FANCI: variants seen among roughly 807,000 people sequenced by gnomAD.
FANCI encodes the protein Fanconi anemia group I protein.
A neutral mutation model predicts 176.1 loss-of-function variants in FANCI; 156 were observed. That is an observed-to-expected ratio of 0.89 (90% CI 0.78 to 1.01). The LOEUF (loss-of-function observed/expected upper bound fraction) is 1.01. FANCI is among the 50% of genes least tolerant of loss of function. FANCI has a pLI of 0.00. For synonymous variants in FANCI, 613 were observed against 541.7 expected, an observed-to-expected ratio of 1.13 and a Z score of -1.83; for missense variants, 1,678 against 1,534.1, an observed-to-expected ratio of 1.09 and a Z score of -1.57.
chr15:89,293,306 C>A (rs1292614091), intron 22 of FANCI, among the ~76,000 whole-genome samples: 1 of 152,118 alleles, frequency 6.6e-6, no homozygotes, highest in African/African-American at 2.4e-5. Flanking sequence ...TTTCCCAGAC[C>A]CTGAATTCAA....
rs2151923443 is a variant in FANCI, at chr15:89,306,027, A to G, written c.3370A>G (p.Thr1124Ala). The G allele has an allele frequency of 5.0e-6, 8 of 1,614,136 alleles. No homozygotes were observed. Among genetic ancestry groups the G allele is most frequent in the Non-Finnish European group, 6.8e-6 (8 of 1,180,020 alleles). The change falls in exon 32 of 38, where the codon ACC becomes GCC. Residue 1124 changes from threonine to alanine, a missense_variant. By Grantham distance (58) the Thr-to-Ala change is moderately conservative. Around this residue, in one of 3 missense-constraint regions of FANCI, gnomAD observed 1,204 missense variants for 1,077.4 expected, o/e 1.12. Transcript: ENST00000310775. ...TTTAGAAGAGGCCTCTTCTCAGGCA[A>G]CCCTACCAAATCAGCCTGTTGAGAA... Reference protein sequence around the residue: ...TLSEEASSQATLPNQPVEKAI... With the variant: ...TLSEEASSQAALPNQPVEKAI...
At chr15:89,274,430 G>C in intron 12 of FANCI, 126 bp downstream of exon 12, 1 of 1,048,428 alleles carries the variant, frequency 9.5e-7, no homozygotes, top group Non-Finnish European at 1.4e-6. Flanking sequence ...GTCACACATC[G>C]AGGTTCATTT....
chr15:89,273,188 C>T (rs969077758), intron 10 of FANCI, among the ~76,000 whole-genome samples, 189 bp from the exon 11 acceptor site: 5 of 151,630 alleles, frequency 3.3e-5, no homozygotes, highest in Middle Eastern at 3.4e-3. Flanking sequence ...GGTATAGTCC[C>T]AGCTACTTGG....
chr15:89,267,304 G>A (rs1018499962), intron 9 of FANCI, among the ~76,000 whole-genome samples: 1 of 150,590 alleles, frequency 6.6e-6, no homozygotes, highest in Non-Finnish European at 1.5e-5. Flanking sequence ...TGGGCAATGG[G>A]AGTGAATCCT....
At chr15:89,245,167 C>CTTTTTTTT (rs1567132810) in intron 1 of FANCI, 20 of 121,300 alleles carry the variant, frequency 1.6e-4, no homozygotes, top group African/African-American at 7.2e-4. Context: ...CTTTTCTTTT[C>CTTTTTTTT]TTTTCTTTTC....
At chr15:89,275,149 ATCT>A (rs2053363656) in intron 12 of FANCI, among the ~76,000 whole-genome samples, 1 of 127,266 alleles carries the variant, frequency 7.9e-6, no homozygotes, top group Admixed American at 9.3e-5. Context: ...GCTAGACTTG[ATCT>A]TCTGGGCTCA....
intron 34 of FANCI, among the ~76,000 whole-genome samples, chr15:89,309,268 A>G (rs776402450): frequency 3.9e-5 from 6 of 152,192 alleles, no homozygotes; most frequent in African/African-American, 7.2e-5. Flanking sequence ...TATAGGATAT[A>G]TATCTGTCCA....
intron 3 of FANCI, 64 bp from the exon 4 acceptor site, chr15:89,260,648 GT>G: frequency 2.5e-6 from 4 of 1,597,158 alleles, no homozygotes; most frequent in Non-Finnish European, 3.4e-6. Context: ...AAACCTGTTC[GT>G]TTTTCCTATT....
At chr15:89,296,424 G>GTT (rs2054277287) in intron 24 of FANCI, among the ~76,000 whole-genome samples, 1 of 148,176 alleles carries the variant, frequency 6.7e-6, no homozygotes, top group South Asian at 2.2e-4. Context: ...CGTTTTTTTT[G>GTT]TTTTGTTTTG....
At position 89,261,575 on chromosome 15, in the gene FANCI, G is replaced by A. The variant is rs1433406322; in HGVS notation, c.289-10G>A. 6.2e-7 allele frequency: 1 copy of A among 1,613,986 alleles called. No individual in the cohort carries two copies. The highest frequency in any genetic ancestry group is 1.7e-4 in the Middle Eastern group (1 of 6,060). ...CTGCTTGAGATTTCCTTTATCCTGT[G>A]AACTTTTAGGCTCACCATTTTCCAG... is the stretch of plus-strand genomic sequence containing the variant. On this transcript the variant is annotated splice_polypyrimidine_tract_variant and intron_variant, in intron 4 of 37. Coordinates refer to ENST00000310775, the MANE Select transcript of FANCI (RefSeq NM_001113378.2).
rs2052744600 is a variant in FANCI, at chr15:89,262,265, AG to A, written c.503+390del. On this transcript the variant is annotated intron_variant, in intron 6 of 37. Coordinates refer to ENST00000310775, the MANE Select transcript of FANCI (RefSeq NM_001113378.2). ...TTTTTTCTTTTTTCTTTTTTTTTTG[AG>A]GGAGTAGAATATACAAGTGATGTAT... Among the ~76,000 whole-genome samples, 3 of 150,008 alleles carry A rather than the reference AG, an allele frequency of 2.0e-5. No individual in the cohort carries two copies. In the East Asian group the frequency reaches 5.8e-4, roughly 29 times the overall value.
Position 89,300,245 on chromosome 15 carries a change from G to A in FANCI, c.2804-55G>A. The A allele has an allele frequency of 3.2e-6, 5 of 1,554,764 alleles. No individual in the cohort carries two copies. The South Asian group carries it at 3.4e-5, about 11-fold the overall frequency. On this transcript the variant is annotated intron_variant, in intron 25 of 37. Transcript: ENST00000310775. ...TTTCAAAAATTTTAGCTATTAAAAG[G>A]CCAAAAAGTATGAGTTTATATCAAA...
intron 12 of FANCI, 135 bp downstream of exon 12, chr15:89,274,439 T>G (rs2053325271): frequency 1.0e-6 from 1 of 1,000,898 alleles, no homozygotes; most frequent in Middle Eastern, 2.6e-4. Flanking sequence ...CGAGGTTCAT[T>G]TTCTTAAAAC....
chr15:89,284,446 A>G (rs7163841), intron 17 of FANCI, among the ~76,000 whole-genome samples: 59,382 of 152,012 alleles, frequency 0.39, 11,598 homozygotes, highest in African/African-American at 0.41. Context: ...GGAACACTAG[A>G]TATCATTTGT....
chr15:89,258,396 C>G (rs2052585001), intron 2 of FANCI, among the ~76,000 whole-genome samples: 1 of 152,120 alleles, frequency 6.6e-6, no homozygotes, highest in Non-Finnish European at 1.5e-5. Flanking sequence ...CTGTTTTGTT[C>G]ATCTTTATAA....
At chr15:89,258,513 A>T (rs1488393627) in intron 2 of FANCI, among the ~76,000 whole-genome samples, 191 bp from the exon 3 acceptor site, 1 of 152,210 alleles carries the variant, frequency 6.6e-6, no homozygotes, top group East Asian at 1.9e-4. Flanking sequence ...GAGTAAGAAT[A>T]GATTTTAGTC....
Position 89,281,847 on chromosome 15 carries a change from CT to C in FANCI, c.1583+17del. 1.2e-6 allele frequency: 2 copies of C among 1,612,292 alleles called. No homozygotes were observed. Among genetic ancestry groups the C allele is most frequent in the Non-Finnish European group, 1.7e-6 (2 of 1,178,640 alleles). On this transcript the variant is annotated intron_variant, in intron 16 of 37. Coordinates refer to ENST00000310775, the MANE Select transcript of FANCI (RefSeq NM_001113378.2). Reference sequence around the variant, plus strand: ...GCTATGTTTGCCAAGTATGTAGCATCTTTTTCTATCATAGGAAGACGTTGTC... The same window carrying C: ...GCTATGTTTGCCAAGTATGTAGCATCTTTTCTATCATAGGAAGACGTTGTC...
intron 24 of FANCI, among the ~76,000 whole-genome samples, chr15:89,299,299 G>A (rs544058154): frequency 4.7e-4 from 71 of 152,084 alleles, no homozygotes; most frequent in Middle Eastern, 3.4e-3. Context: ...GGTCTATTCC[G>A]TGGTAAATTC....
intron 15 of FANCI, 134 bp downstream of exon 15, chr15:89,281,434 T>C (rs958058486): frequency 7.9e-6 from 9 of 1,134,110 alleles, no homozygotes; most frequent in Non-Finnish European, 1.2e-5. Context: ...AAAATTTGCA[T>C]TAAAAGGGCA....
Sources: allele counts gnomAD v4.1 joint callset (sites outside exome capture counted in the v4.1 genomes callset), GRCh38; gene constraint gnomAD v4.1.1; regional missense constraint gnomAD v4.1.1; transcripts MANE v1.5; gene names NCBI Gene and HGNC (gene_info 2026-07-23, HGNC 2026-07-21).